CNTNAP2: variants seen among roughly 807,000 people sequenced by gnomAD.
CNTNAP2 encodes the protein contactin associated protein 2.
CNTNAP2 carries 98 observed loss-of-function variants against 155.2 expected under a neutral mutation model. The ratio of observed to expected loss-of-function variants is 0.63; its 90% confidence interval spans 0.54 to 0.75. The LOEUF (loss-of-function observed/expected upper bound fraction) is 0.75. CNTNAP2 is among the 30% of genes least tolerant of loss of function. The pLI is 0.00. For synonymous variants in CNTNAP2, 651 were observed against 631.2 expected, an observed-to-expected ratio of 1.03 and a Z score of -0.47; for missense variants, 1,727 against 1,688.1, an observed-to-expected ratio of 1.02 and a Z score of -0.40.
chr7:147,780,405 T>C (rs535182482), intron 13 of CNTNAP2, among the ~76,000 whole-genome samples: 1 of 151,998 alleles, frequency 6.6e-6, no homozygotes, highest in African/African-American at 2.4e-5. Context: ...AATTAACAGG[T>C]TTTTTTTAAA....
At chr7:146,895,945 C>T (rs1795869313) in intron 3 of CNTNAP2, among the ~76,000 whole-genome samples, 1 of 152,076 alleles carries the variant, frequency 6.6e-6, no homozygotes, top group Admixed American at 6.6e-5. Flanking sequence ...TAAAATATTG[C>T]ATTTTCTCAA....
At chr7:146,550,909 A>G (rs1263337022) in intron 1 of CNTNAP2, among the ~76,000 whole-genome samples, 1 of 152,114 alleles carries the variant, frequency 6.6e-6, no homozygotes, top group East Asian at 1.9e-4. Flanking sequence ...AATCTGGAAT[A>G]CACTAAGGCC....
At chr7:146,538,608 G>A (rs1383157707) in intron 1 of CNTNAP2, among the ~76,000 whole-genome samples, 4 of 151,888 alleles carry the variant, frequency 2.6e-5, no homozygotes, top group South Asian at 2.1e-4. Context: ...CTTCTCCTAC[G>A]GGAGGTCTCT....
intron 1 of CNTNAP2, among the ~76,000 whole-genome samples, chr7:146,202,499 C>T (rs919909420): frequency 1.3e-5 from 2 of 152,000 alleles, no homozygotes; most frequent in African/African-American, 4.8e-5. Context: ...AAGAAAATCT[C>T]GCCTTGACTC....
intron 1 of CNTNAP2, among the ~76,000 whole-genome samples, chr7:146,681,439 G>A: frequency 1.1e-5 from 1 of 91,702 alleles, no homozygotes; most frequent in Admixed American, 1.2e-4. Context: ...GGGGGTGGAG[G>A]GTGGAGGGTG....
intron 1 of CNTNAP2, among the ~76,000 whole-genome samples, chr7:146,709,584 CAA>C (rs1336701123): frequency 3.3e-5 from 5 of 152,096 alleles, no homozygotes; most frequent in African/African-American, 4.8e-5. Context: ...TGCTGAATAA[CAA>C]AGAGGCATAA....
At chr7:146,892,980 A>G (rs1324726092) in intron 3 of CNTNAP2, among the ~76,000 whole-genome samples, 1 of 152,206 alleles carries the variant, frequency 6.6e-6, no homozygotes, top group Non-Finnish European at 1.5e-5. Flanking sequence ...ATATAAATTC[A>G]TAGGAAAAGC....
chr7:147,028,168 A>G (rs942777951), intron 3 of CNTNAP2, among the ~76,000 whole-genome samples: 14 of 152,146 alleles, frequency 9.2e-5, no homozygotes, highest in African/African-American at 3.4e-4. Context: ...AAGAATACCA[A>G]CTGCACCAAA....
chr7:148,261,696 G>A (rs1796565378), intron 20 of CNTNAP2, among the ~76,000 whole-genome samples: 1 of 152,130 alleles, frequency 6.6e-6, no homozygotes, highest in South Asian at 2.1e-4. Context: ...ATGGCGGTGG[G>A]GGTGAGAGTG....
intron 21 of CNTNAP2, among the ~76,000 whole-genome samples, chr7:148,317,022 G>C (rs1363126161): frequency 2.6e-5 from 4 of 152,160 alleles, no homozygotes; most frequent in African/African-American, 9.7e-5. Context: ...AATGATAGAT[G>C]CCATCCCCCT....
At chr7:147,513,814 G>T (rs567978779) in intron 11 of CNTNAP2, among the ~76,000 whole-genome samples, 3 of 152,148 alleles carry the variant, frequency 2.0e-5, no homozygotes, top group Non-Finnish European at 2.9e-5. Context: ...AACCAGAGAC[G>T]CATGCTTCAA....
intron 22 of CNTNAP2, among the ~76,000 whole-genome samples, chr7:148,405,836 G>A (rs969194175): frequency 6.6e-6 from 1 of 151,228 alleles, no homozygotes; most frequent in East Asian, 2.0e-4. Flanking sequence ...GGATGGTCTC[G>A]ATCTCTTGAC....
At chr7:146,774,852 A>G (rs577829517) in intron 2 of CNTNAP2, among the ~76,000 whole-genome samples, 3 of 152,310 alleles carry the variant, frequency 2.0e-5, no homozygotes, top group African/African-American at 7.2e-5. Context: ...TAGCTCTATT[A>G]TAAAATCTGT....
intron 1 of CNTNAP2, among the ~76,000 whole-genome samples, chr7:146,691,251 A>G (rs565387539): frequency 6.6e-6 from 1 of 151,982 alleles, no homozygotes; most frequent in African/African-American, 2.4e-5. Context: ...TCTCTAAGCA[A>G]TATGTTCAAT....
chr7:146,315,158 CAA>C (rs1800886413), intron 1 of CNTNAP2, among the ~76,000 whole-genome samples: 1 of 152,150 alleles, frequency 6.6e-6, no homozygotes, highest in African/African-American at 2.4e-5. Context: ...GCTGTGAAGC[CAA>C]ACCCTCTCCA....
intron 8 of CNTNAP2, among the ~76,000 whole-genome samples, chr7:147,223,633 C>A (rs1425285266): frequency 6.6e-6 from 1 of 152,080 alleles, no homozygotes; most frequent in Admixed American, 6.6e-5. Context: ...GCATTCCCAG[C>A]ACATTTACAG....
At chr7:148,288,245 G>GC (rs1343970517) in intron 21 of CNTNAP2, among the ~76,000 whole-genome samples, 1 of 151,030 alleles carries the variant, frequency 6.6e-6, no homozygotes, top group African/African-American at 2.4e-5. Context: ...GATTACAGGC[G>GC]CCCACCACCA....
At chr7:147,372,232 T>C (rs1021816212) in intron 9 of CNTNAP2, among the ~76,000 whole-genome samples, 36 of 152,050 alleles carry the variant, frequency 2.4e-4, no homozygotes, top group African/African-American at 8.7e-4. Flanking sequence ...GATAAAGAAA[T>C]CCAGTTTTGG....
Position 146,316,674 on chromosome 7 carries a change from G to A in CNTNAP2, c.97+199701G>A, listed in dbSNP as rs184912605. Among the ~76,000 whole-genome samples the A allele has an allele frequency of 2.4e-3, 360 of 152,182 alleles. 1 individual carries two copies. The highest frequency in any genetic ancestry group is 8.4e-3 in the African/African-American group (349 of 41,528). On this transcript the variant is annotated intron_variant, in intron 1 of 23. Transcript: ENST00000361727. ...TACTTAACATACGTCCATAAGATAC[G>A]TTTACGCAAAGGATAAGCAGGATGT... is the stretch of plus-strand genomic sequence containing the variant.
Sources: gnomAD v4.1 joint callset for allele counts (sites outside exome capture counted in the v4.1 genomes callset) on GRCh38, gnomAD v4.1.1 for gene constraint, MANE v1.5 for transcripts, NCBI Gene and HGNC (gene_info 2026-07-23, HGNC 2026-07-21) for gene names.